TBCD: variants seen among roughly 807,000 people sequenced by gnomAD.
The protein encoded by TBCD is tubulin-specific chaperone D.
Under a neutral mutation model 169.3 loss-of-function variants are expected in TBCD, and 105 were observed. The ratio of observed to expected loss-of-function variants is 0.62; its 90% confidence interval spans 0.53 to 0.73. TBCD has a LOEUF of 0.73. TBCD is among the 30% of genes least tolerant of loss of function. The probability of loss-of-function intolerance (pLI) is 0.00; values close to 1 mark genes in which losing one functional copy is unlikely to be tolerated. For synonymous variants in TBCD, 700 were observed against 643.9 expected, an observed-to-expected ratio of 1.09 and a Z score of -1.32; for missense variants, 1,444 against 1,600.1, an observed-to-expected ratio of 0.90 and a Z score of 1.66.
chr17:82,774,527 C>A (rs1382313496), intron 6 of TBCD, among the ~76,000 whole-genome samples: 7 of 152,234 alleles, frequency 4.6e-5, no homozygotes. Flanking sequence ...ACAAAACCGC[C>A]ATCGTCATCA....
chr17:82,858,709 C>A (rs2056515130), intron 13 of TBCD: 30 of 955,930 alleles, frequency 3.1e-5, no homozygotes, highest in Non-Finnish European at 3.7e-5. Context: ...TTCATATTTT[C>A]TGACCCTCCT....
At chr17:82,861,627 G>A (rs2056774132) in intron 13 of TBCD, among the ~76,000 whole-genome samples, 1 of 152,194 alleles carries the variant, frequency 6.6e-6, no homozygotes, top group East Asian at 1.9e-4. Context: ...GCTGCAGCTT[G>A]GTAAATGCAC....
chr17:82,801,581 C>T (rs1412146193), intron 9 of TBCD, among the ~76,000 whole-genome samples: 46 of 111,352 alleles, frequency 4.1e-4, no homozygotes, highest in East Asian at 8.6e-4. Context: ...CGTCGTGTGG[C>T]TCGGTCAGCG....
chr17:82,753,581 C>A (rs915327795), intron 1 of TBCD, among the ~76,000 whole-genome samples: 1 of 151,410 alleles, frequency 6.6e-6, no homozygotes, highest in East Asian at 1.9e-4. Context: ...CTTAGCCTCC[C>A]GAGTAGCTGG....
rs549094193 is a variant in TBCD at position 82,872,983 on chromosome 17, G to A, written c.1475+2603G>A. ...GCCGACGGCTTCTGAGCCAGGCCCG[G>A]CACCTCGTGGCCGACGGCTTCTGAG... On this transcript the variant is annotated intron_variant, in intron 14 of 38. Transcript: ENST00000355528. 5.6e-5 allele frequency among the ~76,000 whole-genome samples: 6 copies of A among 107,586 alleles called. No homozygotes were observed. The South Asian group carries it at 7.8e-4, about 14-fold the overall frequency. 70.6% of individuals were successfully genotyped at this position (107,586 alleles called of 152,430 possible).
chr17:82,829,994 TTTTTG>T lies in TBCD; in HGVS notation c.1318+15064_1318+15068del. ...ATTTATAAAAACTGAATTGGAGGGT[TTTTTG>T]TTTGTTTGTTTGTTTGTTTTTTTGA... On this transcript the variant is annotated intron_variant, in intron 13 of 38. Coordinates refer to ENST00000355528, the MANE Select transcript of TBCD (RefSeq NM_005993.5). The T allele has an allele frequency of 3.7e-6, 4 of 1,069,804 alleles. 1 individual carries two copies. The highest frequency in any genetic ancestry group is 5.3e-6 in the Non-Finnish European group (4 of 760,986). 66.3% of individuals were successfully genotyped at this position (1,069,804 alleles called of 1,614,324 possible).
At chr17:82,822,494 C>T (rs1355609283) in intron 13 of TBCD, among the ~76,000 whole-genome samples, 1 of 152,288 alleles carries the variant, frequency 6.6e-6, no homozygotes, top group African/African-American at 2.4e-5. Context: ...AAGGCTCGCA[C>T]GAGCTGGGAC....
chr17:82,934,025 C>A (rs1350381407), intron 34 of TBCD, among the ~76,000 whole-genome samples: 5 of 152,252 alleles, frequency 3.3e-5, no homozygotes, highest in Non-Finnish European at 7.3e-5. Context: ...GCTGCTGGGG[C>A]AGTGCCGGGG....
chr17:82,837,534 C>G (rs1014435775), intron 13 of TBCD, among the ~76,000 whole-genome samples: 1 of 152,106 alleles, frequency 6.6e-6, no homozygotes, highest in Non-Finnish European at 1.5e-5. Flanking sequence ...ATAACATGCC[C>G]GGAGAGCTGT....
chr17:82,763,574 C>T (rs1720641737), intron 2 of TBCD, among the ~76,000 whole-genome samples: 1 of 152,040 alleles, frequency 6.6e-6, no homozygotes, highest in African/African-American at 2.4e-5. Flanking sequence ...AACCCCGTCT[C>T]TACTAAAAAT....
intron 13 of TBCD, among the ~76,000 whole-genome samples, chr17:82,863,802 A>G (rs2056964839): frequency 6.6e-6 from 1 of 152,124 alleles, no homozygotes; most frequent in Non-Finnish European, 1.5e-5. Flanking sequence ...CCTGGAGAGG[A>G]GTAGGAGGTG....
At chr17:82,873,978 C>T (rs1465877065) in intron 14 of TBCD, among the ~76,000 whole-genome samples, 1 of 152,196 alleles carries the variant, frequency 6.6e-6, no homozygotes, top group Admixed American at 6.5e-5. Flanking sequence ...TTGAGCCGCC[C>T]CTGCACAGCC....
At chr17:82,779,788 T>A (rs603118) in intron 6 of TBCD, among the ~76,000 whole-genome samples, 2 of 151,468 alleles carry the variant, frequency 1.3e-5, no homozygotes, top group African/African-American at 4.8e-5. Flanking sequence ...CGGAGGGAGG[T>A]TGGGCGTCAT....
At chr17:82,854,253 A>G (rs1481827718) in intron 13 of TBCD, among the ~76,000 whole-genome samples, 2 of 152,274 alleles carry the variant, frequency 1.3e-5, no homozygotes, top group East Asian at 3.8e-4. Flanking sequence ...GATGGGCTGC[A>G]GTCAAAACAC....
In TBCD at chr17:82,926,498, C is replaced by G; in HGVS notation, c.2471+7C>G. 6.2e-7 allele frequency: 1 copy of G among 1,612,560 alleles called. No individual in the cohort carries two copies. Among genetic ancestry groups the G allele is most frequent in the Non-Finnish European group, 8.5e-7 (1 of 1,178,802 alleles). On this transcript the variant is annotated splice_region_variant and intron_variant, in intron 28 of 38. Coordinates refer to ENST00000355528, the MANE Select transcript of TBCD (RefSeq NM_005993.5). The stretch of plus-strand genomic sequence containing the variant: ...GCTTGAAGGCCATTGCGAGGTGAGT[C>G]CCAACAGTTCCTCCCTAAAGTCGTA...
At chr17:82,929,812 G>A (rs1356087683) in intron 32 of TBCD, 1 of 506,894 alleles carries the variant, frequency 2.0e-6, no homozygotes, top group Non-Finnish European at 3.6e-6. Flanking sequence ...ATGCCTGCAT[G>A]TGGGTACCTG....
chr17:82,762,315 CAAA>C (rs35386796), intron 2 of TBCD, among the ~76,000 whole-genome samples: 5 of 91,460 alleles, frequency 5.5e-5, no homozygotes, highest in African/African-American at 4.4e-5. Flanking sequence ...GACTCCGTCT[CAAA>C]AAAAAAAAAA....
intron 31 of TBCD, 26 bp downstream of exon 31, chr17:82,929,297 T>C: frequency 3.1e-6 from 5 of 1,611,722 alleles, no homozygotes; most frequent in Non-Finnish European, 4.2e-6. Context: ...AGGCCCCCCG[T>C]GCTGGCCCCG....
At chr17:82,932,588 C>G in intron 33 of TBCD, 70 bp from the exon 34 acceptor site, 1 of 1,308,206 alleles carries the variant, frequency 7.6e-7, no homozygotes, top group Non-Finnish European at 1.1e-6. Flanking sequence ...CCTGCTGACT[C>G]TCAGCCATTC....
Sources: gnomAD v4.1 joint callset for allele counts (sites outside exome capture counted in the v4.1 genomes callset) on GRCh38, gnomAD v4.1.1 for gene constraint, MANE v1.5 for transcripts, NCBI Gene and HGNC (gene_info 2026-07-23, HGNC 2026-07-21) for gene names.